The following WWOX variants were observed in gnomAD, a reference collection of about 807,000 sequenced individuals.
The protein encoded by WWOX is WW domain-containing oxidoreductase.
In WWOX, 69 loss-of-function variants were observed where a neutral mutation model predicts 46.2. The ratio of observed to expected loss-of-function variants is 1.49; its 90% CI spans 1.23 to 1.82. The LOEUF (loss-of-function observed/expected upper bound fraction) is 1.82. Ranked by LOEUF, WWOX falls within the 40% of genes most tolerant of loss-of-function variation. The pLI, the probability that WWOX is intolerant of heterozygous loss-of-function variation, is 0.00. For missense variants in WWOX, 919 were observed against 542.6 expected, an observed-to-expected ratio of 1.69 and a Z score of -6.89; for synonymous variants, 359 against 202.6, an observed-to-expected ratio of 1.77 and a Z score of -6.56.
At chr16:78,490,532 G>C (rs1374745347) in intron 8 of WWOX, among the ~76,000 whole-genome samples, 3 of 152,070 alleles carry the variant, frequency 2.0e-5, no homozygotes, top group Non-Finnish European at 4.4e-5. Flanking sequence ...TTCAATGCTG[G>C]GCTAGTTTCA....
chr16:78,903,729 C>G (rs981065771), intron 8 of WWOX, among the ~76,000 whole-genome samples: 7 of 152,226 alleles, frequency 4.6e-5, no homozygotes, highest in Admixed American at 2.6e-4. Flanking sequence ...CTTCTTCAAG[C>G]TGCCATCCAT....
In WWOX at chr16:78,543,942, T is replaced by G. The variant is rs536280797; in HGVS notation, c.1056+111190T>G. On this transcript the variant is annotated intron_variant, in intron 8 of 8. Transcript: ENST00000566780. The stretch of plus-strand genomic sequence containing the variant: ...TCTCAACAGCCTGCCATAAATTTCT[T>G]GTCAAAAAAAGAGGTTATGATTAGA... 2.6e-5 allele frequency among the ~76,000 whole-genome samples: 4 copies of G among 152,238 alleles called. No individual in the cohort carries two copies. In the East Asian group the frequency reaches 5.8e-4, roughly 22 times the overall value.
intron 8 of WWOX, among the ~76,000 whole-genome samples, chr16:78,747,261 G>A (rs534427292): frequency 1.8e-3 from 270 of 148,394 alleles, no homozygotes; most frequent in Non-Finnish European, 2.2e-3. Flanking sequence ...GCACGATCTC[G>A]GCTCATTGCA....
At chr16:79,012,838 G>T (rs1350081844) in intron 8 of WWOX, among the ~76,000 whole-genome samples, 2 of 152,166 alleles carry the variant, frequency 1.3e-5, no homozygotes, top group African/African-American at 2.4e-5. Flanking sequence ...CACCAACATG[G>T]CCCGTGGCAG....
chr16:78,175,113 G>C (rs1055880280), intron 5 of WWOX, among the ~76,000 whole-genome samples: 1 of 152,052 alleles, frequency 6.6e-6, no homozygotes, highest in East Asian at 1.9e-4. Flanking sequence ...GGGCAGAAAG[G>C]TGCCTATCAT....
At chr16:79,035,789 A>G (rs2047854755) in intron 8 of WWOX, among the ~76,000 whole-genome samples, 1 of 152,072 alleles carries the variant, frequency 6.6e-6, no homozygotes, top group South Asian at 2.1e-4. Flanking sequence ...TCCAAGAACA[A>G]AAGGCCAACC....
chr16:78,387,034 G>A (rs2082075266), intron 6 of WWOX, 86 bp downstream of exon 6: 2 of 1,382,250 alleles, frequency 1.4e-6, no homozygotes, highest in Non-Finnish European at 1.0e-6. Context: ...GAGAATGCAA[G>A]GCTGTTGTGT....
At chr16:79,200,735 T>C (rs569908027) in intron 8 of WWOX, among the ~76,000 whole-genome samples, 5 of 152,192 alleles carry the variant, frequency 3.3e-5, no homozygotes, top group Admixed American at 3.3e-4. Flanking sequence ...TCTGGATGAT[T>C]TGGAAGGGAG....
At chr16:78,193,965 C>A (rs1401867967) in intron 5 of WWOX, among the ~76,000 whole-genome samples, 2 of 151,708 alleles carry the variant, frequency 1.3e-5, no homozygotes, top group East Asian at 2.0e-4. Context: ...GCAAGCTCCG[C>A]CTCCCGGGTT....
At chr16:78,135,823 A>AT (rs1202622721) in intron 4 of WWOX, among the ~76,000 whole-genome samples, 3 of 152,212 alleles carry the variant, frequency 2.0e-5, no homozygotes, top group African/African-American at 7.2e-5. Context: ...GGAGTTGAAC[A>AT]TATAAGCACA....
At chr16:78,995,184 A>G (rs1296670876) in intron 8 of WWOX, among the ~76,000 whole-genome samples, 1 of 151,922 alleles carries the variant, frequency 6.6e-6, no homozygotes, top group Non-Finnish European at 1.5e-5. Context: ...TTCCAAGCTC[A>G]GCTTCTCTCT....
chr16:79,174,482 C>G (rs2050761661), intron 8 of WWOX, among the ~76,000 whole-genome samples: 1 of 152,134 alleles, frequency 6.6e-6, no homozygotes, highest in South Asian at 2.1e-4. Flanking sequence ...AACCCCGTCT[C>G]TACTAAAAAT....
chr16:78,497,638 TC>T (rs1433360806), intron 8 of WWOX, among the ~76,000 whole-genome samples: 2 of 152,068 alleles, frequency 1.3e-5, no homozygotes, highest in African/African-American at 4.8e-5. Flanking sequence ...AAATGGCCCT[TC>T]CAACATCTAG....
intron 8 of WWOX, among the ~76,000 whole-genome samples, chr16:78,931,526 T>C (rs1381041636): frequency 6.6e-6 from 1 of 152,172 alleles, no homozygotes; most frequent in Non-Finnish European, 1.5e-5. Flanking sequence ...GGCATGTGCT[T>C]GAAGGAGAAA....
chr16:78,970,577 A>G (rs1399739449), intron 8 of WWOX, among the ~76,000 whole-genome samples: 1 of 152,220 alleles, frequency 6.6e-6, no homozygotes, highest in African/African-American at 2.4e-5. Context: ...GTGGAAGAGT[A>G]AGACATTCAA....
intron 8 of WWOX, among the ~76,000 whole-genome samples, chr16:78,999,385 G>A (rs572150578): frequency 2.0e-5 from 3 of 152,098 alleles, no homozygotes; most frequent in Admixed American, 6.5e-5. Flanking sequence ...CAGGAGAATC[G>A]CTTCAACCCA....
intron 4 of WWOX, among the ~76,000 whole-genome samples, chr16:78,117,358 C>G (rs2032851041): frequency 1.3e-5 from 2 of 152,024 alleles, no homozygotes; most frequent in Admixed American, 1.3e-4. Context: ...GCAGGAATGG[C>G]CTTTAACACT....
At chr16:78,594,793 A>G (rs537117949) in intron 8 of WWOX, among the ~76,000 whole-genome samples, 1 of 152,168 alleles carries the variant, frequency 6.6e-6, no homozygotes, top group Non-Finnish European at 1.5e-5. Context: ...AGAAAACTCT[A>G]TAGCCTCAGT....
At chr16:78,974,047 T>C (rs971502878) in intron 8 of WWOX, among the ~76,000 whole-genome samples, 4 of 152,256 alleles carry the variant, frequency 2.6e-5, no homozygotes, top group African/African-American at 9.6e-5. Flanking sequence ...TAAAATTCTT[T>C]TCTAAATGGT....
Sources: gnomAD v4.1 joint callset for allele counts (sites outside exome capture counted in the v4.1 genomes callset) on GRCh38, gnomAD v4.1.1 for gene constraint, MANE v1.5 for transcripts, NCBI Gene and HGNC (gene_info 2026-07-23, HGNC 2026-07-21) for gene names.